Variants in ZNF148 observed in about 807,000 individuals in gnomAD.
ZNF148 encodes the protein zinc finger protein 148.
A neutral mutation model predicts 67.7 loss-of-function variants in ZNF148; 7 were observed. That is an observed-to-expected ratio of 0.10 (90% CI 0.06 to 0.19). The LOEUF is 0.19. Ranked by LOEUF, ZNF148 falls within the 10% of genes least tolerant of loss-of-function variation. The pLI, the probability that ZNF148 is intolerant of heterozygous loss-of-function variation, is 1.00. For synonymous variants in ZNF148, 333 were observed against 330.7 expected (o/e 1.01, Z -0.08); for missense variants, 583 against 947.1 (o/e 0.62, Z 5.05).
At chr3:125,371,563 G>T (rs1373309803) in intron 1 of ZNF148, among the ~76,000 whole-genome samples, 1 of 150,856 alleles carries the variant, frequency 6.6e-6, no homozygotes, top group African/African-American at 2.4e-5. Flanking sequence ...GGAGGCTGAG[G>T]CAGGAGAATT....
At chr3:125,246,546 G>T (rs546408300) in intron 7 of ZNF148, among the ~76,000 whole-genome samples, 2 of 152,176 alleles carry the variant, frequency 1.3e-5, no homozygotes, top group East Asian at 3.9e-4. Context: ...AGAGCCAAAT[G>T]TTAAATGAGA....
rs1579577495 is a variant in ZNF148, at chr3:125,233,648, T to C, written c.1078A>G (p.Met360Val). The change falls in exon 9 of 9, where the codon ATG becomes GTG. Residue 360 changes from methionine (M) to valine (V), a missense_variant. Met to Val is a conservative substitution (Grantham distance 21). Coordinates refer to ENST00000360647, the MANE Select transcript of ZNF148 (RefSeq NM_021964.3). This position sits in a 1 kb window ranked among gnomAD's most constrained non-coding sequence, Gnocchi z 5.1. ...ATTTCAACAGCATATTCTGCAACCATATACTCATCTTTTACTTTAGTACTT... is the reference window on the plus strand; with the variant it reads ...ATTTCAACAGCATATTCTGCAACCACATACTCATCTTTTACTTTAGTACTT... ...SSSTKVKDEY[M>V]VAEYAVEMPH... 1.2e-6 allele frequency: 2 copies of C among 1,613,904 alleles called. No homozygotes were observed. Among genetic ancestry groups the C allele is most frequent in the African/African-American group, 1.3e-5 (1 of 74,916 alleles).
At chr3:125,354,829 A>G (rs1942283826) in intron 1 of ZNF148, among the ~76,000 whole-genome samples, 1 of 152,254 alleles carries the variant, frequency 6.6e-6, no homozygotes. Context: ...TAACAACACC[A>G]TGCTGAAGAA....
chr3:125,312,713 A>G (rs924241332), intron 4 of ZNF148, among the ~76,000 whole-genome samples: 3 of 152,242 alleles, frequency 2.0e-5, no homozygotes, highest in Non-Finnish European at 1.5e-5. Context: ...AAGAAGAGAC[A>G]AGAATTTACA....
In ZNF148 at chr3:125,228,083, T is replaced by C. The variant is rs1271031598; in HGVS notation, c.*4258A>G. 1 of 152,636 alleles carries C rather than the reference T, an allele frequency of 6.6e-6. No individual in the cohort carries two copies. The highest frequency in any genetic ancestry group is 6.5e-5 in the Admixed American group (1 of 15,276). The allele number at this position is 152,636 out of a possible 1,614,324, so 9.5% of individuals were successfully genotyped here. A position where few individuals can be genotyped will look rare whatever the true frequency, so the allele number is the denominator to read the frequency against. On this transcript the variant is annotated 3_prime_UTR_variant, in exon 9 of 9. Transcript: ENST00000360647. ...GTTTAGAATTATTGAAATGTAGTTA[T>C]GAAATATGAAGAGAACTATCTATTT...
chr3:125,354,629 C>T (rs141571129), intron 1 of ZNF148, among the ~76,000 whole-genome samples: 1 of 152,336 alleles, frequency 6.6e-6, no homozygotes, highest in East Asian at 1.9e-4. Context: ...GTGATCCTCA[C>T]ACAACAGAAC....
intron 2 of ZNF148, among the ~76,000 whole-genome samples, chr3:125,328,185 T>A (rs1013888413): frequency 6.6e-6 from 1 of 152,140 alleles, no homozygotes; most frequent in East Asian, 1.9e-4. Flanking sequence ...TAGAGACTCA[T>A]GTCATTCAGA....
At chr3:125,264,012 A>G (rs935306144) in intron 7 of ZNF148, among the ~76,000 whole-genome samples, 1 of 152,228 alleles carries the variant, frequency 6.6e-6, no homozygotes, top group Non-Finnish European at 1.5e-5. Context: ...TGAGGTTCTG[A>G]GAGCTTCTGG....
At chr3:125,356,995 CTG>C (rs1942364695) in intron 1 of ZNF148, 7 of 152,248 alleles carry the variant, frequency 4.6e-5, no homozygotes, top group Admixed American at 4.6e-4. Flanking sequence ...AGACGTGAAA[CTG>C]TAAACACAAT....
At chr3:125,361,516 G>A in intron 1 of ZNF148, among the ~76,000 whole-genome samples, 1 of 152,032 alleles carries the variant, frequency 6.6e-6, no homozygotes, top group East Asian at 1.9e-4. Context: ...TAGCCACAAA[G>A]AAACAAAACA....
At chr3:125,349,613 C>T (rs993118742) in intron 1 of ZNF148, among the ~76,000 whole-genome samples, 1 of 152,186 alleles carries the variant, frequency 6.6e-6, no homozygotes, top group Non-Finnish European at 1.5e-5. Flanking sequence ...GAAGGGAACA[C>T]TTAAATATTG....
chr3:125,348,175 C>T (rs1401355598), intron 1 of ZNF148, among the ~76,000 whole-genome samples: 1 of 152,024 alleles, frequency 6.6e-6, no homozygotes, highest in Admixed American at 6.5e-5. Context: ...TGGAGGATTG[C>T]TTGAGCCTGG....
rs1935663771 is a variant in ZNF148 at position 125,226,932 on chromosome 3, G to C, written c.*5409C>G. 6.6e-6 allele frequency: 1 copy of C among 152,128 alleles called. No homozygotes were observed. The highest frequency in any genetic ancestry group is 2.4e-5 in the African/African-American group (1 of 41,424). 9.4% of individuals were successfully genotyped at this position (152,128 alleles called of 1,614,324 possible). ...TTTCATTGCAAAGCAACTGTCACCT[G>C]AGTAGATTTTAAAATTTAGTGCTCC... On this transcript the variant is annotated 3_prime_UTR_variant, in exon 9 of 9. Transcript: ENST00000360647.
At chr3:125,269,827 A>G (rs1173524112) in intron 7 of ZNF148, among the ~76,000 whole-genome samples, 2 of 152,208 alleles carry the variant, frequency 1.3e-5, no homozygotes, top group Non-Finnish European at 1.5e-5. Flanking sequence ...GCTGGAGTCA[A>G]TCACCCTAAG....
At chr3:125,300,156 G>A (rs1291735272) in intron 4 of ZNF148, among the ~76,000 whole-genome samples, 1 of 152,114 alleles carries the variant, frequency 6.6e-6, no homozygotes, top group Admixed American at 6.6e-5. Context: ...ATTTTTAGTA[G>A]AGACAGGGTT....
At chr3:125,353,767 T>A (rs1289629745) in intron 1 of ZNF148, among the ~76,000 whole-genome samples, 51 of 145,678 alleles carry the variant, frequency 3.5e-4, no homozygotes, top group African/African-American at 1.3e-3. Flanking sequence ...GAATAAAGTT[T>A]AAAAAAAAAA....
At chr3:125,259,754 G>C (rs569043381) in intron 7 of ZNF148, among the ~76,000 whole-genome samples, 2 of 152,290 alleles carry the variant, frequency 1.3e-5, no homozygotes, top group Non-Finnish European at 2.9e-5. Context: ...TTGAGGTCAG[G>C]GGGCTACAGT....
intron 7 of ZNF148, 33 bp from the exon 8 acceptor site, chr3:125,234,362 C>A: frequency 4.3e-6 from 6 of 1,400,802 alleles, no homozygotes; most frequent in Non-Finnish European, 3.0e-6. Flanking sequence ...TAAAACAAAA[C>A]AAATATTGTA....
chr3:125,296,076 A>G (rs942840416), intron 4 of ZNF148, among the ~76,000 whole-genome samples: 1 of 151,916 alleles, frequency 6.6e-6, no homozygotes, highest in African/African-American at 2.4e-5. Flanking sequence ...TCCTCCTTCT[A>G]AATTCCCTGC....
Sources: gnomAD v4.1 joint callset for allele counts (sites outside exome capture counted in the v4.1 genomes callset) on GRCh38, gnomAD v4.1.1 for gene constraint, Gnocchi (gnomAD v3.1) non-coding constraint, MANE v1.5 for transcripts, NCBI Gene and HGNC (gene_info 2026-07-23, HGNC 2026-07-21) for gene names.